Variants in CELF2 observed in about 807,000 individuals in gnomAD.
CELF2 encodes the protein CUG triplet repeat RNA-binding protein 2.
Under a neutral mutation model 62.6 loss-of-function variants are expected in CELF2, and 8 were observed. The ratio of observed to expected loss-of-function variants is 0.13; its 90% CI spans 0.07 to 0.23. The LOEUF (loss-of-function observed/expected upper bound fraction) is 0.23, where lower values mean the gene tolerates loss of function less well. CELF2 is among the 10% of genes least tolerant of loss of function. CELF2 has a pLI of 1.00. For synonymous variants in CELF2, 258 were observed against 250.0 expected (o/e 1.03, Z -0.30); for missense variants, 333 against 671.0 (o/e 0.50, Z 5.56).
At chr10:10,852,233 A>AC (rs2059425702) in intron 1 of CELF2, among the ~76,000 whole-genome samples, 3 of 152,252 alleles carry the variant, frequency 2.0e-5, no homozygotes, top group Non-Finnish European at 2.9e-5. Flanking sequence ...CCAATGTGAT[A>AC]CATCCATACA....
the CELF2 span, among the ~76,000 whole-genome samples, chr10:10,478,900 G>A: frequency 6.6e-6 from 1 of 152,152 alleles, no homozygotes; most frequent in Non-Finnish European, 1.5e-5. Flanking sequence ...ACAAAGAGTA[G>A]GTTAAATTAA....
At chr10:10,969,246 G>A (rs2050492063) in intron 2 of CELF2, among the ~76,000 whole-genome samples, 1 of 152,158 alleles carries the variant, frequency 6.6e-6, no homozygotes, top group Non-Finnish European at 1.5e-5. Flanking sequence ...AACAGAGCAA[G>A]ACTTTAAAAA....
chr10:11,106,853 T>C (rs2053627730), intron 1 of CELF2, among the ~76,000 whole-genome samples: 1 of 152,144 alleles, frequency 6.6e-6, no homozygotes, highest in South Asian at 2.1e-4. Flanking sequence ...ACAATGACGC[T>C]TCAGTGTGCA....
At chr10:10,512,401 C>CTTTTTTTTTTTTTTTTTTTTT in the CELF2 span, among the ~76,000 whole-genome samples, 1 of 109,148 alleles carries the variant, frequency 9.2e-6, no homozygotes. Context: ...TTTTGGAACG[C>CTTTTTTTTTTTTTTTTTTTTT]TTTTTTTTTT....
chr10:11,150,247 C>T (rs1443153128), intron 1 of CELF2, among the ~76,000 whole-genome samples: 1 of 152,094 alleles, frequency 6.6e-6, no homozygotes, highest in Non-Finnish European at 1.5e-5. Context: ...AAGGCAAGAG[C>T]ACAGGTATCA....
chr10:11,025,557 C>A (rs575258185), intron 1 of CELF2, among the ~76,000 whole-genome samples: 1 of 152,210 alleles, frequency 6.6e-6, no homozygotes, highest in South Asian at 2.1e-4. Context: ...CTGAGGTCTC[C>A]CCAGTCATGC....
chr10:10,932,196 A>C lies in CELF2; in HGVS notation c.89+12197A>C, dbSNP rs564361346. Among the ~76,000 whole-genome samples, 3 of 152,304 alleles carry C rather than the reference A, an allele frequency of 2.0e-5. No individual in the cohort carries two copies. The South Asian group carries it at 6.2e-4, about 32-fold the overall frequency. On this transcript the variant is annotated intron_variant, in intron 2 of 13. Coordinates refer to the CELF2 transcript ENST00000636488. Reference sequence around the variant, plus strand: ...ATGATCCCTGCCCTTAAGAACCAAAAGATTCTACTAAAAAAATCCAACTCA... The same window carrying C: ...ATGATCCCTGCCCTTAAGAACCAAACGATTCTACTAAAAAAATCCAACTCA...
the CELF2 span, among the ~76,000 whole-genome samples, chr10:10,640,906 C>T: frequency 2.6e-5 from 4 of 152,172 alleles, no homozygotes; most frequent in African/African-American, 9.7e-5. Flanking sequence ...TTGTTTCCCT[C>T]CACATTGCCT....
the CELF2 span, among the ~76,000 whole-genome samples, chr10:10,555,895 G>A: frequency 1.4e-3 from 214 of 152,304 alleles, no homozygotes; most frequent in African/African-American, 4.9e-3. Context: ...TTCTGTTCCA[G>A]ACTTGCCAGG....
At chr10:10,795,489 GTT>G (rs2054090320), upstream of CELF2, among the ~76,000 whole-genome samples, 1 of 152,044 alleles carries the variant, frequency 6.6e-6, no homozygotes, top group South Asian at 2.1e-4. Flanking sequence ...GCCTTTCTGT[GTT>G]ACAGATAAAT....
the CELF2 span, among the ~76,000 whole-genome samples, chr10:10,728,325 C>T: frequency 2.0e-3 from 298 of 150,158 alleles, 1 homozygote; most frequent in Middle Eastern, 0.038. Flanking sequence ...TGGTGGTGTG[C>T]GCCTGTAATC....
At chr10:10,860,568 A>T (rs2059992336) in intron 1 of CELF2, among the ~76,000 whole-genome samples, 1 of 152,240 alleles carries the variant, frequency 6.6e-6, no homozygotes, top group Non-Finnish European at 1.5e-5. Flanking sequence ...TCAGTTGATA[A>T]CTTTTTATAC....
At chr10:10,480,836 G>A in the CELF2 span, among the ~76,000 whole-genome samples, 6 of 152,154 alleles carry the variant, frequency 3.9e-5, no homozygotes, top group African/African-American at 4.8e-5. Context: ...CATCAAGTTA[G>A]CTTGATTTTC....
intron 1 of CELF2, among the ~76,000 whole-genome samples, chr10:10,889,322 T>C (rs1397325210): frequency 1.3e-5 from 2 of 152,232 alleles, no homozygotes; most frequent in Non-Finnish European, 2.9e-5. Flanking sequence ...AATAAAATCA[T>C]ATACTGTACT....
chr10:11,142,313 G>A (rs2061477076), intron 1 of CELF2, among the ~76,000 whole-genome samples: 1 of 152,282 alleles, frequency 6.6e-6, no homozygotes, highest in Admixed American at 6.5e-5. Flanking sequence ...TGGTTCTTAT[G>A]GGGGAAAATA....
upstream of CELF2, among the ~76,000 whole-genome samples, chr10:10,794,077 G>A (rs759619882): frequency 6.6e-5 from 10 of 152,144 alleles, no homozygotes; most frequent in Non-Finnish European, 1.5e-4. Flanking sequence ...CACGGGGTGT[G>A]CTGTATTTTA....
At chr10:10,896,251 C>T (rs374766851) in intron 1 of CELF2, among the ~76,000 whole-genome samples, 1 of 152,112 alleles carries the variant, frequency 6.6e-6, no homozygotes, top group African/African-American at 2.4e-5. Context: ...GCGGTGGGTA[C>T]AGCACATAGA....
the CELF2 span, among the ~76,000 whole-genome samples, chr10:10,487,409 G>A: frequency 7.9e-5 from 12 of 152,268 alleles, no homozygotes; most frequent in African/African-American, 2.6e-4. Context: ...GGTTGATTTT[G>A]TCTTGCATGG....
At chr10:10,718,384 G>A in the CELF2 span, among the ~76,000 whole-genome samples, 4 of 152,110 alleles carry the variant, frequency 2.6e-5, no homozygotes, top group African/African-American at 7.2e-5. Flanking sequence ...AGCACTTTGG[G>A]AGGCCAAGAC....
Sources: gnomAD v4.1 joint callset for allele counts (sites outside exome capture counted in the v4.1 genomes callset) on GRCh38, gnomAD v4.1.1 for gene constraint, MANE v1.5 for transcripts, NCBI Gene and HGNC (gene_info 2026-07-23, HGNC 2026-07-21) for gene names.